TRABD2B: variants seen among roughly 807,000 people sequenced by gnomAD.
TRABD2B encodes metalloprotease TIKI2.
Under a neutral mutation model 40.1 loss-of-function variants are expected in TRABD2B, and 14 were observed. The observed-to-expected ratio is 0.35, with a 90% confidence interval of 0.23 to 0.55. The LOEUF (loss-of-function observed/expected upper bound fraction) is 0.55. TRABD2B is among the 20% of genes least tolerant of loss of function. TRABD2B has a pLI of 0.90. For synonymous variants in TRABD2B, 263 were observed against 277.0 expected, an observed-to-expected ratio of 0.95 and a Z score of 0.50; for missense variants, 541 against 648.6, an observed-to-expected ratio of 0.83 and a Z score of 1.80.
chr1:47,884,240 G>A (rs777168138), intron 2 of TRABD2B, among the ~76,000 whole-genome samples: 1 of 152,178 alleles, frequency 6.6e-6, no homozygotes, highest in Non-Finnish European at 1.5e-5. Flanking sequence ...CCAATGACAT[G>A]TGAATGGAAA....
At chr1:47,890,609 G>A (rs1644431690) in intron 2 of TRABD2B, among the ~76,000 whole-genome samples, 1 of 152,176 alleles carries the variant, frequency 6.6e-6, no homozygotes, top group Admixed American at 6.5e-5. Flanking sequence ...GCACTGACAG[G>A]TGGGCCAAAG....
chr1:47,829,949 T>C (rs977754719), intron 2 of TRABD2B, among the ~76,000 whole-genome samples: 1 of 152,162 alleles, frequency 6.6e-6, no homozygotes, highest in Admixed American at 6.5e-5. Context: ...GTGTCAGGCC[T>C]TCTCTGGTCT....
At chr1:47,811,393 G>T (rs1644963324) in intron 2 of TRABD2B, among the ~76,000 whole-genome samples, 1 of 152,196 alleles carries the variant, frequency 6.6e-6, no homozygotes, top group Non-Finnish European at 1.5e-5. Context: ...CAGTGGGCTG[G>T]CTGAGCTCTC....
intron 3 of TRABD2B, among the ~76,000 whole-genome samples, chr1:47,800,253 T>C (rs1006235238): frequency 6.6e-6 from 1 of 152,066 alleles, no homozygotes; most frequent in Non-Finnish European, 1.5e-5. Context: ...AAGTGGAGCA[T>C]AATAAAGAGG....
Position 47,988,800 on chromosome 1 carries a change from T to C in TRABD2B, c.666+5234A>G, listed in dbSNP as rs919707503. ...TCTCATGGGACAAAGGGGGGCAAAT[T>C]AGGCCTAGAAAGGGAAAAGGGCTGG... is the stretch of plus-strand genomic sequence containing the variant. On this transcript the variant is annotated intron_variant, in intron 2 of 6. Transcript: ENST00000606738. 1.3e-5 allele frequency among the ~76,000 whole-genome samples: 2 copies of C among 152,042 alleles called. 1 individual carries two copies. Among genetic ancestry groups the C allele is most frequent in the African/African-American group, 4.8e-5 (2 of 41,392 alleles).
rs1420902230 is a variant in TRABD2B at position 47,909,578 on chromosome 1, AG to A, written c.666+84455del. On this transcript the variant is annotated intron_variant, in intron 2 of 6. Coordinates refer to ENST00000606738, the MANE Select transcript of TRABD2B (RefSeq NM_001194986.2). ...AGGAAGAAGGAGGAGGAGGAGGAGG[AG>A]GAGGAGGAGGAGGAGGAGGAGGAGC... 1.1e-3 allele frequency among the ~76,000 whole-genome samples: 155 copies of A among 142,042 alleles called. 1 individual carries two copies. In the East Asian group the frequency reaches 0.015, roughly 14 times the overall value. 93.2% of individuals were successfully genotyped at this position (142,042 alleles called of 152,430 possible).
intron 2 of TRABD2B, among the ~76,000 whole-genome samples, chr1:47,856,377 C>T (rs1288852594): frequency 1.3e-5 from 2 of 152,206 alleles, no homozygotes; most frequent in African/African-American, 2.4e-5. Flanking sequence ...TGAGTGAACG[C>T]ATGAGAGTGT....
intron 2 of TRABD2B, among the ~76,000 whole-genome samples, chr1:47,827,702 C>T (rs1645194536): frequency 6.6e-6 from 1 of 152,162 alleles, no homozygotes; most frequent in Admixed American, 6.5e-5. Context: ...ACCACCAACA[C>T]TTTGGCCCAC....
intron 2 of TRABD2B, among the ~76,000 whole-genome samples, chr1:47,967,690 T>C (rs1258516407): frequency 6.6e-6 from 1 of 152,110 alleles, no homozygotes; most frequent in Non-Finnish European, 1.5e-5. Context: ...AAATAGGAAC[T>C]AGAAAATAAT....
intron 2 of TRABD2B, among the ~76,000 whole-genome samples, chr1:47,830,578 A>G (rs532988678): frequency 2.0e-5 from 3 of 152,190 alleles, no homozygotes; most frequent in Admixed American, 6.5e-5. Flanking sequence ...GGATTAAACA[A>G]TGTAAGAGTG....
At chr1:47,989,898 CCTGT>C (rs1557698914) in intron 2 of TRABD2B, among the ~76,000 whole-genome samples, 1 of 152,156 alleles carries the variant, frequency 6.6e-6, no homozygotes, top group East Asian at 1.9e-4. Flanking sequence ...GTCTACTTGG[CCTGT>C]CTGTGTAATC....
At chr1:47,921,580 CTA>C (rs1315350238) in intron 2 of TRABD2B, among the ~76,000 whole-genome samples, 2 of 152,182 alleles carry the variant, frequency 1.3e-5, no homozygotes, top group Non-Finnish European at 1.5e-5. Context: ...CTGGATTATT[CTA>C]TGTTTGTATT....
chr1:47,842,357 AC>A (rs1204381292), intron 2 of TRABD2B, among the ~76,000 whole-genome samples: 1 of 152,026 alleles, frequency 6.6e-6, no homozygotes, highest in African/African-American at 2.4e-5. Context: ...ATTTTGGCTC[AC>A]CTTGCCTCAG....
rs774676516 is a variant in TRABD2B, at chr1:47,994,526, G to A, written c.174C>T (p.His58=). 16 of 1,536,046 alleles carry A rather than the reference G, an allele frequency of 1.0e-5. No individual in the cohort carries two copies. Among genetic ancestry groups the A allele is most frequent in the South Asian group, 7.1e-5 (6 of 84,072 alleles). ...AGTCCCAGACGCGGGTGTAGGGGAC[G>A]TGAATAGTGCCAAACAGGTAGGCCG... ...DPPAYLFGTI[H]VPYTRVWDFI... Residue 58 remains histidine (H), a synonymous_variant, in exon 2 of 7, where the codon CAC becomes CAT. Transcript: ENST00000606738. This position sits in a 1 kb window ranked among gnomAD's most constrained non-coding sequence, Gnocchi z 6.7.
chr1:47,935,909 C>T (rs1281258065), intron 2 of TRABD2B, among the ~76,000 whole-genome samples: 1 of 152,258 alleles, frequency 6.6e-6, no homozygotes, highest in Non-Finnish European at 1.5e-5. Context: ...CAGACTCATG[C>T]TCAAATTCCA....
chr1:47,962,151 G>A (rs1044207031), intron 2 of TRABD2B, among the ~76,000 whole-genome samples: 49 of 151,742 alleles, frequency 3.2e-4, no homozygotes, highest in Non-Finnish European at 5.6e-4. Flanking sequence ...CTCATAGGTG[G>A]GAATTGAACA....
intron 4 of TRABD2B, among the ~76,000 whole-genome samples, chr1:47,791,740 A>T (rs1644676211): frequency 2.0e-5 from 3 of 152,208 alleles, no homozygotes; most frequent in Admixed American, 2.0e-4. Context: ...TTACATGATC[A>T]TAAGAATGTA....
At position 47,761,824 on chromosome 1, in the gene TRABD2B, G is replaced by A. The variant is rs1644247200; in HGVS notation, c.*4078C>T. ...AAATTATGCCACTGGTGGAACTAAG[G>A]TCTGCCTCTCTCCTTCTTTTCTGCC... On this transcript the variant is annotated 3_prime_UTR_variant, in exon 7 of 7. Coordinates refer to ENST00000606738, the MANE Select transcript of TRABD2B (RefSeq NM_001194986.2). 6.6e-6 allele frequency: 1 copy of A among 152,286 alleles called. No homozygotes were observed. Among genetic ancestry groups the A allele is most frequent in the East Asian group, 1.9e-4 (1 of 5,200 alleles). The allele number at this position is 152,286 out of a possible 1,614,324, so 9.4% of individuals were successfully genotyped here. A position where few individuals can be genotyped will look rare whatever the true frequency, so the allele number is the denominator to read the frequency against.
intron 2 of TRABD2B, among the ~76,000 whole-genome samples, chr1:47,853,105 G>T (rs1178459216): frequency 6.6e-6 from 1 of 152,154 alleles, no homozygotes; most frequent in Non-Finnish European, 1.5e-5. Flanking sequence ...AAGCAGAGTG[G>T]CCACTGAGCA....
Sources: allele counts gnomAD v4.1 joint callset (sites outside exome capture counted in the v4.1 genomes callset), GRCh38; gene constraint gnomAD v4.1.1; non-coding constraint Gnocchi (gnomAD v3.1); transcripts MANE v1.5; gene names NCBI Gene and HGNC (gene_info 2026-07-23, HGNC 2026-07-21).